Variants in CYP19A1 observed in about 807,000 individuals in gnomAD.
The protein encoded by CYP19A1 is cytochrome P450 family 19 subfamily A member 1, also known as aromatase.
CYP19A1 carries 32 observed loss-of-function variants against 44.4 expected under a neutral mutation model. That is an observed-to-expected ratio of 0.72 (90% CI 0.54 to 0.97). CYP19A1 has a LOEUF of 0.97. Among genes scored for constraint, CYP19A1 ranks in the 50% least tolerant of loss-of-function variants. The pLI, the probability that CYP19A1 is intolerant of heterozygous loss-of-function variation, is 0.00. For missense variants in CYP19A1, 598 were observed against 637.8 expected, an observed-to-expected ratio of 0.94 and a Z score of 0.67; for synonymous variants, 212 against 215.6, an observed-to-expected ratio of 0.98 and a Z score of 0.14.
intron 1 of CYP19A1, among the ~76,000 whole-genome samples, chr15:51,244,280 T>G (rs1306735236): frequency 6.6e-6 from 1 of 152,228 alleles, no homozygotes; most frequent in African/African-American, 2.4e-5. Context: ...CAAAGACTGA[T>G]TTCTGTCAAC....
At chr15:51,262,907 A>C (rs941987691) in intron 1 of CYP19A1, among the ~76,000 whole-genome samples, 5 of 152,232 alleles carry the variant, frequency 3.3e-5, no homozygotes, top group Admixed American at 2.0e-4. Context: ...TGGAGCCTAT[A>C]GTCTAGGAGG....
intron 1 of CYP19A1, among the ~76,000 whole-genome samples, chr15:51,325,529 G>T (rs1366192130): frequency 1.3e-5 from 2 of 152,128 alleles, no homozygotes; most frequent in African/African-American, 4.8e-5. Flanking sequence ...CCCATTGTAC[G>T]CTGGAAATAT....
intron 1 of CYP19A1, among the ~76,000 whole-genome samples, chr15:51,250,773 T>G (rs147045345): frequency 6.7e-6 from 1 of 150,116 alleles, no homozygotes; most frequent in East Asian, 2.0e-4. Flanking sequence ...AAAGGGCCAG[T>G]TGGGGATTGT....
intron 1 of CYP19A1, among the ~76,000 whole-genome samples, chr15:51,336,367 A>G (rs2036774700): frequency 1.3e-5 from 2 of 152,216 alleles, no homozygotes; most frequent in Non-Finnish European, 2.9e-5. Context: ...GAAAGAAAAA[A>G]GGGAGAATTG....
intron 5 of CYP19A1, 142 bp downstream of exon 5, chr15:51,222,207 G>GA (rs1257354351): frequency 2.7e-6 from 4 of 1,469,718 alleles, no homozygotes; most frequent in Non-Finnish European, 3.7e-6. Flanking sequence ...AAACACTAGG[G>GA]AAAAAAACGA....
At chr15:51,235,332 C>T (rs979587354) in intron 3 of CYP19A1, among the ~76,000 whole-genome samples, 1 of 152,180 alleles carries the variant, frequency 6.6e-6, no homozygotes, top group Non-Finnish European at 1.5e-5. Context: ...GGGTCCTACC[C>T]CAGACTGTCT....
At chr15:51,337,108 G>A (rs1408172628) in intron 1 of CYP19A1, among the ~76,000 whole-genome samples, 1 of 152,140 alleles carries the variant, frequency 6.6e-6, no homozygotes, top group African/African-American at 2.4e-5. Context: ...CAAAAGTTCT[G>A]TTCCTCAAAA....
chr15:51,297,328 T>C (rs1416128842), intron 1 of CYP19A1, among the ~76,000 whole-genome samples: 1 of 152,172 alleles, frequency 6.6e-6, no homozygotes, highest in African/African-American at 2.4e-5. Context: ...ACCAGCCTCC[T>C]CTTTAACAGA....
At chr15:51,266,751 CCTAAT>C (rs2034933837) in intron 1 of CYP19A1, among the ~76,000 whole-genome samples, 1 of 152,202 alleles carries the variant, frequency 6.6e-6, no homozygotes, top group African/African-American at 2.4e-5. Flanking sequence ...ACGGAGGTCC[CCTAAT>C]CTGTGGAAGG....
Position 51,287,107 on chromosome 15 carries a change from CAT to C in CYP19A1, c.-38-44159_-38-44158del, listed in dbSNP as rs1207323569. Among the ~76,000 whole-genome samples the C allele has an allele frequency of 6.6e-5, 10 of 152,270 alleles. No individual in the cohort carries two copies. In the East Asian group the frequency reaches 1.9e-3, roughly 29 times the overall value. ...GACTTATCCAATGACAGCTAGTGCA[CAT>C]AGTGATGAGCTCAAGATCTAAAAAT... On this transcript the variant is annotated intron_variant, in intron 1 of 9. Transcript: ENST00000396402.
intron 1 of CYP19A1, among the ~76,000 whole-genome samples, chr15:51,315,547 C>G (rs1229961051): frequency 6.6e-6 from 1 of 152,180 alleles, no homozygotes; most frequent in Non-Finnish European, 1.5e-5. Flanking sequence ...CTGTTGTATA[C>G]CCAGTTATAT....
chr15:51,232,006 T>C (rs1232645561), intron 3 of CYP19A1, among the ~76,000 whole-genome samples: 1 of 152,112 alleles, frequency 6.6e-6, no homozygotes, highest in Admixed American at 6.5e-5. Flanking sequence ...CCATCAACAA[T>C]CATTTGATTT....
At chr15:51,258,209 CGGAGGCAGTA>C (rs1488670611) in intron 1 of CYP19A1, among the ~76,000 whole-genome samples, 1 of 152,142 alleles carries the variant, frequency 6.6e-6, no homozygotes, top group African/African-American at 2.4e-5. Flanking sequence ...TGCAAAGGAC[CGGAGGCAGTA>C]GGTAAGACTC....
chr15:51,285,449 A>G (rs955693343), intron 1 of CYP19A1, among the ~76,000 whole-genome samples: 21 of 152,246 alleles, frequency 1.4e-4, no homozygotes, highest in Non-Finnish European at 1.6e-4. Context: ...TAATAATGAT[A>G]GCTGTGGCGG....
At chr15:51,314,262 G>C (rs2036378377) in intron 1 of CYP19A1, among the ~76,000 whole-genome samples, 1 of 152,128 alleles carries the variant, frequency 6.6e-6, no homozygotes, top group South Asian at 2.1e-4. Flanking sequence ...AACACCCTGG[G>C]ACAGCAGCTT....
At chr15:51,304,865 A>G (rs1452923538) in intron 1 of CYP19A1, among the ~76,000 whole-genome samples, 1 of 140,316 alleles carries the variant, frequency 7.1e-6, no homozygotes, top group African/African-American at 2.8e-5. Flanking sequence ...TTTGCCATTC[A>G]TCCCTCAGGT....
At chr15:51,317,257 A>G (rs1183324086) in intron 1 of CYP19A1, among the ~76,000 whole-genome samples, 1 of 151,998 alleles carries the variant, frequency 6.6e-6, no homozygotes, top group Non-Finnish European at 1.5e-5. Context: ...CTCCACCACC[A>G]TGCCTGGCTA....
chr15:51,338,077 G>C (rs2036806128), intron 1 of CYP19A1, among the ~76,000 whole-genome samples: 2 of 152,092 alleles, frequency 1.3e-5, no homozygotes, highest in African/African-American at 4.8e-5. Flanking sequence ...TTGTCTAATA[G>C]AGCCTGCCTG....
chr15:51,324,879 C>A (rs971514120), intron 1 of CYP19A1, among the ~76,000 whole-genome samples: 1 of 152,040 alleles, frequency 6.6e-6, no homozygotes, highest in African/African-American at 2.4e-5. Context: ...AGAGGCAAAA[C>A]AATAACAAAA....
Sources: gnomAD v4.1 joint callset for allele counts (sites outside exome capture counted in the v4.1 genomes callset) on GRCh38, gnomAD v4.1.1 for gene constraint, MANE v1.5 for transcripts, NCBI Gene and HGNC (gene_info 2026-07-23, HGNC 2026-07-21) for gene names.